Variants in AP3B1 observed in about 807,000 individuals in gnomAD.
AP3B1 encodes AP-3 complex subunit beta-1.
A neutral mutation model predicts 132.5 loss-of-function variants in AP3B1; 61 were observed. That is an observed-to-expected ratio of 0.46 (90% CI 0.37 to 0.57). The LOEUF (loss-of-function observed/expected upper bound fraction) is 0.57. Ranked by LOEUF, AP3B1 falls within the 20% of genes least tolerant of loss-of-function variation. AP3B1 has a pLI of 0.00. For missense variants in AP3B1, 1,120 were observed against 1,289.4 expected (o/e 0.87, Z 2.01); for synonymous variants, 388 against 438.3 (o/e 0.89, Z 1.43).
At chr5:78,003,166 C>G in intron 26 of AP3B1, 111 bp from the exon 27 acceptor site, 1 of 1,292,764 alleles carries the variant, frequency 7.7e-7, no homozygotes, top group South Asian at 1.4e-5. Flanking sequence ...AAATAATTTG[C>G]TGCAGGCTCC....
intron 7 of AP3B1, among the ~76,000 whole-genome samples, chr5:78,195,872 C>T (rs757567022): frequency 5.3e-5 from 8 of 151,986 alleles, no homozygotes; most frequent in Non-Finnish European, 8.8e-5. Flanking sequence ...TTACAATCTT[C>T]ACAAAAATTA....
intron 19 of AP3B1, 59 bp from the exon 20 acceptor site, chr5:78,110,413 T>TA: frequency 7.3e-7 from 1 of 1,364,302 alleles, no homozygotes; most frequent in East Asian, 2.4e-5. Context: ...AAGCAGTTTA[T>TA]AAAAAAATTG....
rs1484824807 is a variant in AP3B1, at chr5:78,128,983, A to G, written c.1837+138T>C. ...TTTGAGAGCAGATGAATGAGTAGAAAGCATGCTGTTCTTATATATTTATAT... is the reference window on the plus strand; with the variant it reads ...TTTGAGAGCAGATGAATGAGTAGAAGGCATGCTGTTCTTATATATTTATAT... On this transcript the variant is annotated intron_variant, in intron 16 of 26. Transcript: ENST00000255194. The G allele has an allele frequency of 6.8e-6, 5 of 733,436 alleles. No individual in the cohort carries two copies. In the African/African-American group the frequency reaches 8.9e-5, roughly 13 times the overall value. The allele number at this position is 733,436 out of a possible 1,614,324, so 45.4% of individuals were successfully genotyped here.
intron 26 of AP3B1, among the ~76,000 whole-genome samples, chr5:78,005,431 G>C (rs116447406): frequency 0.013 from 1,925 of 152,158 alleles, 46 homozygotes; most frequent in African/African-American, 0.044. Flanking sequence ...TGTCAATTTT[G>C]GTGTCAGTAT....
At chr5:78,008,714 C>T (rs1251270627) in intron 26 of AP3B1, among the ~76,000 whole-genome samples, 1 of 152,102 alleles carries the variant, frequency 6.6e-6, no homozygotes. Context: ...AATTTTGTTT[C>T]TGTTTATACA....
intron 3 of AP3B1, among the ~76,000 whole-genome samples, chr5:78,228,680 C>T (rs1294582084): frequency 6.6e-6 from 1 of 152,124 alleles, no homozygotes; most frequent in Non-Finnish European, 1.5e-5. Context: ...CACAGAGAGA[C>T]CCTACCTCTT....
At chr5:78,063,528 T>C (rs1354465367) in intron 22 of AP3B1, among the ~76,000 whole-genome samples, 4 of 152,238 alleles carry the variant, frequency 2.6e-5, no homozygotes, top group African/African-American at 9.6e-5. Flanking sequence ...GGACAATTAT[T>C]TTCTTTACAT....
At chr5:78,181,029 T>C (rs1434559621) in intron 8 of AP3B1, among the ~76,000 whole-genome samples, 3 of 152,054 alleles carry the variant, frequency 2.0e-5, no homozygotes, top group Non-Finnish European at 4.4e-5. Context: ...ATTACCTTTG[T>C]TAGTCTCTTA....
At position 78,115,262 on chromosome 5, in the gene AP3B1, A is replaced by C. The variant is rs146795187; in HGVS notation, c.2077+864T>G. 2.6e-5 allele frequency among the ~76,000 whole-genome samples: 4 copies of C among 152,334 alleles called. No individual in the cohort carries two copies. In the East Asian group the frequency reaches 7.7e-4, roughly 29 times the overall value. On this transcript the variant is annotated intron_variant, in intron 18 of 26. Transcript: ENST00000255194. ...ATACTAAAAACAAAGATTTTTGATA[A>C]GGAAGACAGAGAAAAGAAGAGTGAA...
intron 1 of AP3B1, among the ~76,000 whole-genome samples, chr5:78,272,358 T>A (rs1748582081): frequency 6.6e-6 from 1 of 152,192 alleles, no homozygotes; most frequent in African/African-American, 2.4e-5. Context: ...GAGGTCATGG[T>A]CACTCATATG....
At chr5:78,197,225 C>G (rs1000839658) in intron 7 of AP3B1, among the ~76,000 whole-genome samples, 1 of 151,704 alleles carries the variant, frequency 6.6e-6, no homozygotes, top group African/African-American at 2.4e-5. Flanking sequence ...ATATCTGAAC[C>G]TATCTTATAT....
At chr5:78,244,385 C>T (rs1747282446) in intron 2 of AP3B1, among the ~76,000 whole-genome samples, 1 of 151,952 alleles carries the variant, frequency 6.6e-6, no homozygotes, top group South Asian at 2.1e-4. Context: ...TGCACTCCAG[C>T]CTGTGTGACA....
chr5:78,151,777 A>G (rs1753659215), intron 14 of AP3B1, among the ~76,000 whole-genome samples: 1 of 151,640 alleles, frequency 6.6e-6, no homozygotes, highest in Non-Finnish European at 1.5e-5. Context: ...GGATTTTTAC[A>G]TTGATATTCA....
rs1243796647 is a variant in AP3B1, at chr5:78,002,934, G to A, written c.3253C>T (p.Arg1085Trp). 11 of 1,614,024 alleles carry A rather than the reference G, an allele frequency of 6.8e-6. No homozygotes were observed. Among genetic ancestry groups the A allele is most frequent in the African/African-American group, 1.3e-5 (1 of 74,902 alleles). The change falls in exon 27 of 27, where the codon CGG (arginine) becomes TGG (tryptophan). Residue 1085 changes from arginine to tryptophan, a missense_variant. This residue lies in a region of AP3B1 where 906 missense variants were observed against 997.1 expected (regional missense o/e 0.91). Transcript: ENST00000255194. ...TGAGACAGGACAGGCTTCAGTTCCC[G>A]CAGCAGAACAGAGCCAATCACAGTT... ...EKTVIGSVLL[R>W]ELKPVLSQG
rs532507326 is a variant in AP3B1 at position 78,284,267 on chromosome 5, C to G, written c.128+10185G>C. ...TTACAGCTCTAAACCTAGGTATATG[C>G]TATTCTGTCTGCCTGGTATACACAG... On this transcript the variant is annotated intron_variant, in intron 1 of 26. Coordinates refer to ENST00000255194, the MANE Select transcript of AP3B1 (RefSeq NM_003664.5). 9.1e-4 allele frequency among the ~76,000 whole-genome samples: 139 copies of G among 152,272 alleles called. 1 individual carries two copies. Among genetic ancestry groups the G allele is most frequent in the Middle Eastern group, 3.4e-3 (1 of 294 alleles).
chr5:78,109,284 C>A (rs895271978), intron 20 of AP3B1, among the ~76,000 whole-genome samples: 4 of 152,080 alleles, frequency 2.6e-5, no homozygotes. Context: ...ATTTTTAAAA[C>A]ATTCTTTAAC....
chr5:78,045,451 T>C (rs945841952), intron 22 of AP3B1, among the ~76,000 whole-genome samples: 1 of 151,714 alleles, frequency 6.6e-6, no homozygotes, highest in African/African-American at 2.4e-5. Context: ...GTTTCCTAAG[T>C]TTATACAAGT....
At chr5:78,105,725 T>C (rs1751305227) in intron 20 of AP3B1, among the ~76,000 whole-genome samples, 1 of 152,214 alleles carries the variant, frequency 6.6e-6, no homozygotes. Context: ...CACCTACACA[T>C]AAAATACGCT....
At chr5:78,248,622 G>T (rs750436593) in intron 2 of AP3B1, among the ~76,000 whole-genome samples, 1 of 151,992 alleles carries the variant, frequency 6.6e-6, no homozygotes, top group African/African-American at 2.4e-5. Context: ...TCAGATAGTG[G>T]GATAACTTAA....
Sources: allele counts gnomAD v4.1 joint callset (sites outside exome capture counted in the v4.1 genomes callset), GRCh38; gene constraint gnomAD v4.1.1; regional missense constraint gnomAD v4.1.1; transcripts MANE v1.5; gene names NCBI Gene and HGNC (gene_info 2026-07-23, HGNC 2026-07-21).